ANO4: variants seen among roughly 807,000 people sequenced by gnomAD.
The protein encoded by ANO4 is anoctamin 4, also known as anoctamin-4.
In ANO4, 69 loss-of-function variants were observed where a neutral mutation model predicts 141.9. That is an observed-to-expected ratio of 0.49 (90% CI 0.40 to 0.59). The LOEUF (loss-of-function observed/expected upper bound fraction) is 0.59, where lower values mean the gene tolerates loss of function less well. Among genes scored for constraint, ANO4 ranks in the 20% least tolerant of loss-of-function variants. The pLI is 0.00. For missense variants in ANO4, 894 were observed against 1,162.2 expected (o/e 0.77, Z 3.36); for synonymous variants, 350 against 394.3 (o/e 0.89, Z 1.33).
chr12:100,721,855 T>TG (rs1261987009), intron 1 of ANO4, among the ~76,000 whole-genome samples: 4 of 148,404 alleles, frequency 2.7e-5, no homozygotes, highest in Admixed American at 1.3e-4. Flanking sequence ...ACTTTTAATT[T>TG]TTTTTTTTTT....
chr12:100,953,598 T>C (rs1022585919), intron 5 of ANO4, among the ~76,000 whole-genome samples: 1 of 152,202 alleles, frequency 6.6e-6, no homozygotes, highest in Non-Finnish European at 1.5e-5. Context: ...TATCTACTAC[T>C]ATTGAAGGAA....
chr12:100,861,607 A>T lies in ANO4; in HGVS notation c.-140-40039A>T, dbSNP rs539137810. Reference sequence around the variant, plus strand: ...ATATGAAGGCCTAGGACATTACCATATACTACTGTAGACTTTATAAACATC... The same window carrying T: ...ATATGAAGGCCTAGGACATTACCATTTACTACTGTAGACTTTATAAACATC... On this transcript the variant is annotated intron_variant, in intron 1 of 27. Coordinates refer to ENST00000392977, the MANE Select transcript of ANO4 (RefSeq NM_001286615.2). 2.2e-4 allele frequency among the ~76,000 whole-genome samples: 34 copies of T among 152,344 alleles called. 1 individual carries two copies. In the South Asian group the frequency reaches 4.6e-3, roughly 20 times the overall value.
At chr12:101,059,771 T>G (rs2048272502) in intron 14 of ANO4, among the ~76,000 whole-genome samples, 1 of 152,192 alleles carries the variant, frequency 6.6e-6, no homozygotes, top group South Asian at 2.1e-4. Flanking sequence ...TCTTCTCTCT[T>G]GTCTTCTTTA....
intron 8 of ANO4, 39 bp from the exon 9 acceptor site, chr12:101,019,995 G>T (rs750407327): frequency 6.6e-7 from 1 of 1,522,752 alleles, no homozygotes; most frequent in Non-Finnish European, 9.1e-7. Flanking sequence ...CTTCACCTCC[G>T]ATTAATTCTC....
At chr12:100,824,848 G>A (rs1175147810) in intron 1 of ANO4, among the ~76,000 whole-genome samples, 1 of 152,070 alleles carries the variant, frequency 6.6e-6, no homozygotes, top group African/African-American at 2.4e-5. Context: ...AGAGGACTCA[G>A]TGACAAAGGA....
At chr12:100,857,640 AG>A (rs1241816818) in intron 1 of ANO4, among the ~76,000 whole-genome samples, 1 of 152,164 alleles carries the variant, frequency 6.6e-6, no homozygotes, top group Non-Finnish European at 1.5e-5. Flanking sequence ...CTCTGGGTTC[AG>A]CTGTCAAACA....
intron 2 of ANO4, among the ~76,000 whole-genome samples, chr12:100,902,156 G>T (rs2136030960): frequency 6.6e-6 from 1 of 152,204 alleles, no homozygotes; most frequent in East Asian, 1.9e-4. Flanking sequence ...TAGAGATTTG[G>T]TCATTTTCCT....
intron 1 of ANO4, among the ~76,000 whole-genome samples, chr12:100,830,344 T>C (rs190039418): frequency 2.7e-4 from 41 of 152,152 alleles, no homozygotes; most frequent in African/African-American, 9.4e-4. Context: ...GATGGGAAAA[T>C]AGGGGATTAA....
At chr12:101,070,473 A>T (rs2264561) in intron 14 of ANO4, among the ~76,000 whole-genome samples, 107,987 of 152,062 alleles carry the variant, frequency 0.71, 39,617 homozygotes, top group African/African-American at 0.89. Context: ...TGCAGAATAA[A>T]GAAACTAGAC....
chr12:100,998,326 A>T (rs2045480077), intron 8 of ANO4, among the ~76,000 whole-genome samples: 1 of 152,114 alleles, frequency 6.6e-6, no homozygotes, highest in Admixed American at 6.5e-5. Flanking sequence ...GCTTGCAGGC[A>T]GCCTATTGTG....
At chr12:101,079,409 A>T in intron 15 of ANO4, 134 bp downstream of exon 15, 1 of 711,532 alleles carries the variant, frequency 1.4e-6, no homozygotes, top group Non-Finnish European at 2.3e-6. Flanking sequence ...TTGCCTTTTC[A>T]GAAAATTTCA....
chr12:100,984,412 G>A (rs192515343), intron 7 of ANO4, among the ~76,000 whole-genome samples: 7 of 152,272 alleles, frequency 4.6e-5, no homozygotes, highest in Non-Finnish European at 1.5e-5. Context: ...TTCCACCACA[G>A]TTTTTTAAAA....
At chr12:100,790,065 G>C (rs1049822984), upstream of ANO4, among the ~76,000 whole-genome samples, 9 of 152,282 alleles carry the variant, frequency 5.9e-5, no homozygotes, top group African/African-American at 2.2e-4. Flanking sequence ...ATTGATAGTG[G>C]TGGGGAGGGA....
intron 9 of ANO4, among the ~76,000 whole-genome samples, chr12:101,029,516 A>G (rs1165713958): frequency 1.3e-5 from 2 of 152,236 alleles, no homozygotes; most frequent in Non-Finnish European, 2.9e-5. Flanking sequence ...AAAAAAATGC[A>G]GGGGTTGCAA....
At chr12:100,726,240 A>T (rs1023904700) in intron 1 of ANO4, among the ~76,000 whole-genome samples, 3 of 152,224 alleles carry the variant, frequency 2.0e-5, no homozygotes, top group Middle Eastern at 3.2e-3. Flanking sequence ...CAGTAAAAAA[A>T]AAAGTCCTTT....
intron 1 of ANO4, among the ~76,000 whole-genome samples, chr12:100,899,979 G>A (rs991682273): frequency 2.0e-5 from 3 of 152,064 alleles, no homozygotes; most frequent in East Asian, 1.9e-4. Flanking sequence ...TCAAACCTAC[G>A]CACTCTGATT....
rs1566244370 is a variant in ANO4, at chr12:101,097,644, G to A, written c.1851-7G>A. 1.2e-6 allele frequency: 2 copies of A among 1,613,592 alleles called. No homozygotes were observed. The highest frequency in any genetic ancestry group is 2.7e-5 in the African/African-American group (2 of 75,036). ...ACTAATGGCTTGTTTTTCTCTGTGT[G>A]TTGAAGATTTACAGGACACCCAGGT... On this transcript the variant is annotated splice_polypyrimidine_tract_variant and splice_region_variant and intron_variant, in intron 19 of 27. Transcript: ENST00000392977.
chr12:100,744,614 C>G (rs1478106659), intron 3 of ANO4, among the ~76,000 whole-genome samples: 1 of 152,198 alleles, frequency 6.6e-6, no homozygotes, highest in Non-Finnish European at 1.5e-5. Flanking sequence ...CACAAACATT[C>G]AATTAATTGC....
exon 3 of ANO4, chr12:100,740,001 A>G: frequency 5.7e-6 from 4 of 702,612 alleles, no homozygotes; most frequent in East Asian, 2.7e-5. Context: ...TTCACCCGCA[A>G]GACTGACCAG....
Sources: gnomAD v4.1 joint callset for allele counts (sites outside exome capture counted in the v4.1 genomes callset) on GRCh38, gnomAD v4.1.1 for gene constraint, MANE v1.5 for transcripts, NCBI Gene and HGNC (gene_info 2026-07-23, HGNC 2026-07-21) for gene names.